Variants in RNF216 observed in about 807,000 individuals in gnomAD.
RNF216 encodes ring finger protein 216.
Under a neutral mutation model 110.8 loss-of-function variants are expected in RNF216, and 72 were observed. The observed-to-expected ratio is 0.65, with a 90% CI of 0.54 to 0.79. RNF216 has a LOEUF of 0.79. Among genes scored for constraint, RNF216 ranks in the 30% least tolerant of loss-of-function variants. The probability of loss-of-function intolerance (pLI) is 0.00; values close to 1 mark genes in which losing one functional copy is unlikely to be tolerated. For synonymous variants in RNF216, 495 were observed against 407.5 expected, an observed-to-expected ratio of 1.21 and a Z score of -2.59; for missense variants, 1,342 against 1,141.2, an observed-to-expected ratio of 1.18 and a Z score of -2.54.
chr7:5,710,376 AAC>A (rs1377209596), intron 13 of RNF216, among the ~76,000 whole-genome samples: 5 of 151,548 alleles, frequency 3.3e-5, no homozygotes, highest in Non-Finnish European at 7.4e-5. Flanking sequence ...TAAAAACAAA[AAC>A]AAAAACAAAA....
intron 1 of RNF216, among the ~76,000 whole-genome samples, chr7:5,764,567 G>C (rs1312370229): frequency 6.6e-6 from 1 of 151,820 alleles, no homozygotes; most frequent in South Asian, 2.1e-4. Flanking sequence ...AGAATCGCTT[G>C]AACCCGGGAG....
At chr7:5,631,660 C>T (rs1040945541) in intron 15 of RNF216, among the ~76,000 whole-genome samples, 1 of 145,030 alleles carries the variant, frequency 6.9e-6, no homozygotes, top group African/African-American at 2.8e-5. Context: ...ATTTGGTTCT[C>T]ATCAACATAA....
At chr7:5,770,046 A>AAAAAAAAAAAAAC in intron 1 of RNF216, among the ~76,000 whole-genome samples, 1 of 149,274 alleles carries the variant, frequency 6.7e-6, no homozygotes, top group African/African-American at 2.5e-5. Flanking sequence ...AAAAAAAAAA[A>AAAAAAAAAAAAAC]AAAAAAAGAC....
At chr7:5,661,840 G>A (rs1789164014) in intron 13 of RNF216, among the ~76,000 whole-genome samples, 1 of 152,112 alleles carries the variant, frequency 6.6e-6, no homozygotes, top group Admixed American at 6.5e-5. Flanking sequence ...AGAAAAAGAA[G>A]GCTCAGAGGG....
intron 14 of RNF216, 138 bp from the exon 15 acceptor site, chr7:5,641,514 G>A: frequency 2.8e-6 from 2 of 706,330 alleles, no homozygotes; most frequent in Non-Finnish European, 4.6e-6. Context: ...AAAGAGCCTA[G>A]GTTTTGGAGT....
intron 15 of RNF216, among the ~76,000 whole-genome samples, chr7:5,635,155 C>T (rs1787321846): frequency 1.3e-5 from 2 of 151,942 alleles, no homozygotes; most frequent in South Asian, 4.1e-4. Context: ...CACTGCCTCC[C>T]AGTCCCATGC....
intron 2 of RNF216, among the ~76,000 whole-genome samples, chr7:5,758,679 T>A (rs963634540): frequency 6.6e-6 from 1 of 152,166 alleles, no homozygotes; most frequent in African/African-American, 2.4e-5. Flanking sequence ...GCGTCTTTCT[T>A]TTGGCCAATT....
At chr7:5,703,941 C>G (rs999006707) in intron 13 of RNF216, among the ~76,000 whole-genome samples, 4 of 152,204 alleles carry the variant, frequency 2.6e-5, no homozygotes, top group Non-Finnish European at 5.9e-5. Flanking sequence ...AATACATATT[C>G]CAGAAGCATC....
At chr7:5,759,191 G>GT (rs762417899) in intron 2 of RNF216, among the ~76,000 whole-genome samples, 15 of 152,080 alleles carry the variant, frequency 9.9e-5, no homozygotes, top group Non-Finnish European at 2.1e-4. Flanking sequence ...TGTCATGATT[G>GT]TAAGTTTCCT....
chr7:5,648,334 C>T (rs1015609287), intron 14 of RNF216, among the ~76,000 whole-genome samples: 5 of 151,380 alleles, frequency 3.3e-5, no homozygotes, highest in East Asian at 2.0e-4. Flanking sequence ...CTCGAACTCC[C>T]GACCTCAGGT....
At chr7:5,623,347 C>T (rs1384730773) in intron 16 of RNF216, among the ~76,000 whole-genome samples, 168 bp from the exon 17 acceptor site, 1 of 152,248 alleles carries the variant, frequency 6.6e-6, no homozygotes, top group African/African-American at 2.4e-5. Flanking sequence ...AAGAACAAAT[C>T]TGTACTTCCA....
intron 13 of RNF216, among the ~76,000 whole-genome samples, chr7:5,670,667 G>A (rs573871219): frequency 2.6e-5 from 4 of 152,036 alleles, no homozygotes; most frequent in Non-Finnish European, 5.9e-5. Flanking sequence ...ACAACCTAAG[G>A]TGACCTTTGG....
At chr7:5,702,951 T>G (rs1480348387) in intron 13 of RNF216, among the ~76,000 whole-genome samples, 1 of 152,218 alleles carries the variant, frequency 6.6e-6, no homozygotes, top group East Asian at 1.9e-4. Context: ...GGGACCAATA[T>G]GAGCTGAGAG....
rs150677265 is a variant in RNF216 at position 5,772,285 on chromosome 7, G to A, written c.-70+9256C>T. Among the ~76,000 whole-genome samples the A allele has an allele frequency of 4.6e-5, 7 of 152,262 alleles. No individual in the cohort carries two copies. In the South Asian group the frequency reaches 8.3e-4, roughly 18 times the overall value. ...ACCACAAGGAAATTCTGGGAAGACAGTAGTAGTAACAGCAGAATAGTCTTT... is the reference window on the plus strand; with the variant it reads ...ACCACAAGGAAATTCTGGGAAGACAATAGTAGTAACAGCAGAATAGTCTTT... On this transcript the variant is annotated intron_variant, in intron 1 of 16. Transcript: ENST00000389902.
At chr7:5,731,757 A>G (rs28679826) in intron 5 of RNF216, among the ~76,000 whole-genome samples, 14,441 of 150,762 alleles carry the variant, frequency 0.096, 1,981 homozygotes, top group African/African-American at 0.28. Context: ...GTTCTCACAC[A>G]CTTCCCTTTC....
intron 8 of RNF216, among the ~76,000 whole-genome samples, chr7:5,722,439 G>A (rs1393566010): frequency 1.3e-5 from 2 of 150,510 alleles, no homozygotes; most frequent in Non-Finnish European, 3.0e-5. Context: ...GCCCAGGCAA[G>A]GGTGCAGTGG....
intron 13 of RNF216, among the ~76,000 whole-genome samples, chr7:5,672,807 T>G (rs1023888876): frequency 2.0e-5 from 3 of 151,924 alleles, no homozygotes; most frequent in African/African-American, 7.3e-5. Flanking sequence ...TAGGATGCTG[T>G]AGAGCACTGG....
chr7:5,731,534 T>C (rs537574846), intron 5 of RNF216, among the ~76,000 whole-genome samples: 2 of 151,298 alleles, frequency 1.3e-5, no homozygotes, highest in East Asian at 3.9e-4. Context: ...ACCCAACACA[T>C]GTTAACTATC....
At chr7:5,656,376 C>G (rs1387897289) in intron 13 of RNF216, among the ~76,000 whole-genome samples, 1 of 152,154 alleles carries the variant, frequency 6.6e-6, no homozygotes, top group Non-Finnish European at 1.5e-5. Context: ...ACAAGAAAGC[C>G]CCAAAGGGCC....
Sources: allele counts gnomAD v4.1 joint callset (sites outside exome capture counted in the v4.1 genomes callset), GRCh38; gene constraint gnomAD v4.1.1; transcripts MANE v1.5; gene names NCBI Gene and HGNC (gene_info 2026-07-23, HGNC 2026-07-21).